Variants in CADM2 observed in about 807,000 individuals in gnomAD.
CADM2 encodes the protein cell adhesion molecule 2, also known as immunoglobulin superfamily member 4D.
A neutral mutation model predicts 49.8 loss-of-function variants in CADM2; 12 were observed. The observed-to-expected ratio is 0.24, with a 90% CI of 0.15 to 0.39. The LOEUF (loss-of-function observed/expected upper bound fraction) is 0.39, where lower values mean the gene tolerates loss of function less well. Ranked by LOEUF, CADM2 falls within the 10% of genes least tolerant of loss-of-function variation. CADM2 has a pLI of 1.00. For synonymous variants in CADM2, 214 were observed against 175.4 expected (o/e 1.22, Z -1.74); for missense variants, 378 against 492.3 (o/e 0.77, Z 2.20).
chr3:85,282,783 A>G (rs1193642879), intron 1 of CADM2, among the ~76,000 whole-genome samples: 1 of 152,088 alleles, frequency 6.6e-6, no homozygotes, highest in Non-Finnish European at 1.5e-5. Flanking sequence ...CCTAAAATAT[A>G]TAAGATATTG....
At chr3:85,413,589 A>T (rs560293904) in intron 1 of CADM2, among the ~76,000 whole-genome samples, 97 of 152,264 alleles carry the variant, frequency 6.4e-4, no homozygotes, top group Non-Finnish European at 1.1e-3. Flanking sequence ...GGAAGCAGGA[A>T]CGTCTACAAG....
chr3:85,484,006 T>G (rs1343997425), intron 1 of CADM2, among the ~76,000 whole-genome samples: 1 of 151,846 alleles, frequency 6.6e-6, no homozygotes, highest in East Asian at 1.9e-4. Flanking sequence ...GTTCTGAGGG[T>G]TTTTTTCTTC....
intron 1 of CADM2, among the ~76,000 whole-genome samples, chr3:85,652,807 T>C (rs1276611249): frequency 9.7e-6 from 1 of 103,616 alleles, no homozygotes; most frequent in Non-Finnish European, 1.8e-5. Context: ...AGACAGAGTC[T>C]TGCTCTGTTG....
At chr3:85,259,768 T>A (rs2042972142) in intron 1 of CADM2, among the ~76,000 whole-genome samples, 1 of 152,112 alleles carries the variant, frequency 6.6e-6, no homozygotes, top group South Asian at 2.1e-4. Flanking sequence ...TTGGCTTGAA[T>A]GATATGGACA....
chr3:85,429,059 A>G (rs1272332318), intron 1 of CADM2, among the ~76,000 whole-genome samples: 1 of 152,030 alleles, frequency 6.6e-6, no homozygotes, highest in East Asian at 1.9e-4. Flanking sequence ...AACATATTAT[A>G]TGAATTTTGA....
chr3:85,254,905 C>A (rs568821006), intron 1 of CADM2, among the ~76,000 whole-genome samples: 9 of 152,098 alleles, frequency 5.9e-5, no homozygotes, highest in African/African-American at 2.2e-4. Context: ...GCGGGTCTCA[C>A]CCAGATGCCA....
At chr3:85,625,095 T>C (rs1362417776) in intron 1 of CADM2, among the ~76,000 whole-genome samples, 1 of 152,104 alleles carries the variant, frequency 6.6e-6, no homozygotes, top group Non-Finnish European at 1.5e-5. Context: ...ACACTGACCA[T>C]GTAAGATAGC....
chr3:85,560,354 A>C (rs1292354002), intron 1 of CADM2, among the ~76,000 whole-genome samples: 1 of 152,224 alleles, frequency 6.6e-6, no homozygotes, highest in Non-Finnish European at 1.5e-5. Flanking sequence ...ATGGTAGTCC[A>C]AGCAAGGTAG....
rs2036410245 is a variant in CADM2 at position 85,426,446 on chromosome 3, T to TA, written c.62-300076_62-300075insA. 3.9e-5 allele frequency among the ~76,000 whole-genome samples: 6 copies of TA among 152,058 alleles called. No homozygotes were observed. In the South Asian group the frequency reaches 6.2e-4, roughly 16 times the overall value. On this transcript the variant is annotated intron_variant, in intron 1 of 9. Transcript: ENST00000383699. ...TGAGCCCAGGCTTTATACTATTTTT[T>TA]TAAAAAAATATCAATATGTTGTTTT...
intron 6 of CADM2, among the ~76,000 whole-genome samples, chr3:85,926,242 G>C (rs916760151): frequency 6.6e-6 from 1 of 152,046 alleles, no homozygotes; most frequent in Non-Finnish European, 1.5e-5. Context: ...TTTTGGGCAA[G>C]AGAATTCTGT....
intron 8 of CADM2, among the ~76,000 whole-genome samples, chr3:86,029,605 C>T (rs951262914): frequency 1.3e-5 from 2 of 151,702 alleles, no homozygotes; most frequent in African/African-American, 2.4e-5. Flanking sequence ...AAGGAAAGAT[C>T]ATTGTCTCAA....
intron 8 of CADM2, among the ~76,000 whole-genome samples, chr3:86,064,487 G>A (rs1172842800): frequency 6.6e-6 from 1 of 152,084 alleles, no homozygotes; most frequent in African/African-American, 2.4e-5. Flanking sequence ...CCAAGTCTTT[G>A]CTATTGCGAG....
intron 1 of CADM2, among the ~76,000 whole-genome samples, chr3:85,537,601 G>T (rs976881749): frequency 2.0e-5 from 3 of 147,412 alleles, no homozygotes; most frequent in Non-Finnish European, 4.5e-5. Flanking sequence ...GGTGATTGTA[G>T]ATTATGCTAT....
At chr3:85,178,970 A>C (rs1576052812) in intron 1 of CADM2, among the ~76,000 whole-genome samples, 2 of 152,092 alleles carry the variant, frequency 1.3e-5, no homozygotes, top group East Asian at 3.9e-4. Flanking sequence ...TTTTGAATGA[A>C]GAACATTTTA....
At chr3:85,139,781 TAAC>T (rs1175483054) in intron 1 of CADM2, among the ~76,000 whole-genome samples, 1 of 152,140 alleles carries the variant, frequency 6.6e-6, no homozygotes, top group Non-Finnish European at 1.5e-5. Flanking sequence ...TTAATATAAA[TAAC>T]ACAATTTGGG....
chr3:85,382,154 T>A (rs550801900), intron 1 of CADM2, among the ~76,000 whole-genome samples: 7 of 151,956 alleles, frequency 4.6e-5, no homozygotes, highest in African/African-American at 1.7e-4. Context: ...AAAACAAAAA[T>A]AAAATGAGCT....
chr3:85,887,583 A>AT (rs1713846267), intron 5 of CADM2, among the ~76,000 whole-genome samples: 1 of 152,102 alleles, frequency 6.6e-6, no homozygotes, highest in Non-Finnish European at 1.5e-5. Flanking sequence ...CTTATCCATA[A>AT]TTTTACCCTG....
chr3:85,258,483 A>T (rs2042939936), intron 1 of CADM2, among the ~76,000 whole-genome samples: 1 of 149,924 alleles, frequency 6.7e-6, no homozygotes, highest in Admixed American at 6.7e-5. Flanking sequence ...GATAGACAAT[A>T]CTCACAAAAA....
chr3:85,494,212 T>G (rs567110872), intron 1 of CADM2, among the ~76,000 whole-genome samples: 1 of 152,206 alleles, frequency 6.6e-6, no homozygotes, highest in African/African-American at 2.4e-5. Context: ...TTCTTTTACG[T>G]TTAAGTAAAA....
Sources: allele counts gnomAD v4.1 joint callset (sites outside exome capture counted in the v4.1 genomes callset), GRCh38; gene constraint gnomAD v4.1.1; transcripts MANE v1.5; gene names NCBI Gene and HGNC (gene_info 2026-07-23, HGNC 2026-07-21).